Variants in SLC30A4 observed in about 807,000 individuals in gnomAD.
SLC30A4 encodes the protein probable proton-coupled zinc antiporter SLC30A4.
A neutral mutation model predicts 41.7 loss-of-function variants in SLC30A4; 20 were observed. The observed-to-expected ratio is 0.48, with a 90% CI of 0.34 to 0.70. The LOEUF is 0.70. Among genes scored for constraint, SLC30A4 ranks in the 30% least tolerant of loss-of-function variants. SLC30A4 has a pLI of 0.01. For missense variants in SLC30A4, 441 were observed against 529.3 expected (o/e 0.83, Z 1.64); for synonymous variants, 181 against 195.9 (o/e 0.92, Z 0.64).
intron 3 of SLC30A4, chr15:45,502,995 A>G (rs770901587): frequency 1.4e-5 from 2 of 143,850 alleles, no homozygotes; most frequent in East Asian, 4.0e-4. Flanking sequence ...CCGTGTCTCG[A>G]AAAAAAAAAA....
intron 3 of SLC30A4, among the ~76,000 whole-genome samples, chr15:45,507,360 T>TAAA (rs1189795779): frequency 4.4e-5 from 5 of 114,828 alleles, no homozygotes; most frequent in Non-Finnish European, 9.7e-5. Context: ...AAATAAATAA[T>TAAA]AAATTTCAGG....
chr15:45,492,371 A>G (rs1891827610), intron 3 of SLC30A4, among the ~76,000 whole-genome samples: 1 of 152,178 alleles, frequency 6.6e-6, no homozygotes, highest in East Asian at 1.9e-4. Context: ...GATAATCACA[A>G]GAAAGTATTA....
At chr15:45,509,841 T>C (rs1892243321) in intron 3 of SLC30A4, among the ~76,000 whole-genome samples, 1 of 152,136 alleles carries the variant, frequency 6.6e-6, no homozygotes, top group South Asian at 2.1e-4. Flanking sequence ...GGAGGATGGC[T>C]TGAGCACAGG....
At position 45,486,706 on chromosome 15, in the gene SLC30A4, G is replaced by C. The variant is rs139044393; in HGVS notation, c.1040C>G (p.Ala347Gly). The change falls in exon 7 of 8, where the codon GCC becomes GGC. Residue 347 changes from alanine (A) to glycine (G), a missense_variant. Transcript: ENST00000261867. ...SHLNVDYIKEALMKIEDVYSV... is the reference protein window; with the variant it reads ...SHLNVDYIKEGLMKIEDVYSV... The stretch of plus-strand genomic sequence containing the variant: ...ATATACATCTTCTATTTTCATCAAG[G>C]CTTCTTTGATATAGTCTACATTCAA... The C allele has an allele frequency of 1.6e-5, 25 of 1,591,732 alleles. No individual in the cohort carries two copies. The highest frequency in any genetic ancestry group is 2.7e-5 in the African/African-American group (2 of 73,992).
At chr15:45,515,681 T>G (rs1217428541) in intron 2 of SLC30A4, 4 of 151,226 alleles carry the variant, frequency 2.6e-5, no homozygotes, top group Non-Finnish European at 5.9e-5. Context: ...AAATAAATAA[T>G]AAATAATAGA....
chr15:45,489,689 C>G (rs1029083416), intron 4 of SLC30A4, among the ~76,000 whole-genome samples: 11 of 151,226 alleles, frequency 7.3e-5, no homozygotes, highest in Admixed American at 2.0e-4. Context: ...TTAATGGGTA[C>G]AGCACACCAA....
At chr15:45,500,137 GA>G (rs1856636312) in intron 3 of SLC30A4, among the ~76,000 whole-genome samples, 1 of 152,130 alleles carries the variant, frequency 6.6e-6, no homozygotes, top group Admixed American at 6.6e-5. Flanking sequence ...TGGGGGAGAA[GA>G]ACGGTAGGCC....
In SLC30A4 at chr15:45,481,057, G is replaced by A. The variant is rs1891596634; in HGVS notation, c.*4106C>T. Reference sequence around the variant, plus strand: ...AGCTCACGTGTCTGATCTTGACTATGTCTATTCTGGAAAGTCTATGAAAGA... The same window carrying A: ...AGCTCACGTGTCTGATCTTGACTATATCTATTCTGGAAAGTCTATGAAAGA... On this transcript the variant is annotated 3_prime_UTR_variant, in exon 8 of 8. Transcript: ENST00000261867. 6.6e-6 allele frequency: 1 copy of A among 152,192 alleles called. No individual in the cohort carries two copies. Among genetic ancestry groups the A allele is most frequent in the Admixed American group, 6.5e-5 (1 of 15,276 alleles). The allele number at this position is 152,192 out of a possible 1,614,324, so 9.4% of individuals were successfully genotyped here.
intron 3 of SLC30A4, among the ~76,000 whole-genome samples, chr15:45,496,656 C>T (rs945040520): frequency 1.3e-5 from 2 of 151,788 alleles, no homozygotes; most frequent in Admixed American, 6.6e-5. Flanking sequence ...TTTAAGTGAA[C>T]TTGAATGGTC....
Position 45,504,465 on chromosome 15 carries a change from G to C in SLC30A4, c.538+6673C>G, listed in dbSNP as rs571328338. On this transcript the variant is annotated intron_variant, in intron 3 of 7. Transcript: ENST00000261867. ...CGTATTTCTGTTCCATTACATAAGA[G>C]ACTAAAACTGACAAACTCTGTTTTA... 2.0e-5 allele frequency among the ~76,000 whole-genome samples: 3 copies of C among 152,236 alleles called. No homozygotes were observed. In the South Asian group the frequency reaches 6.2e-4, roughly 32 times the overall value.
chr15:45,520,321 G>A (rs1308402735), intron 2 of SLC30A4, among the ~76,000 whole-genome samples: 1 of 151,828 alleles, frequency 6.6e-6, no homozygotes, highest in East Asian at 1.9e-4. Context: ...CCAGGCTGGA[G>A]TGCAGTGGCG....
At chr15:45,488,552 G>A (rs1488538695) in intron 5 of SLC30A4, among the ~76,000 whole-genome samples, 2 of 151,988 alleles carry the variant, frequency 1.3e-5, no homozygotes, top group African/African-American at 4.8e-5. Context: ...CAGCCTGGGC[G>A]AGAAAGTGAG....
At chr15:45,490,526 A>C (rs1192832752) in intron 4 of SLC30A4, among the ~76,000 whole-genome samples, 1 of 152,240 alleles carries the variant, frequency 6.6e-6, no homozygotes, top group Non-Finnish European at 1.5e-5. Context: ...ACTTAAATTC[A>C]TGATTTTGAC....
At chr15:45,517,058 CTG>C (rs1892500732) in intron 2 of SLC30A4, among the ~76,000 whole-genome samples, 1 of 152,096 alleles carries the variant, frequency 6.6e-6, no homozygotes, top group Non-Finnish European at 1.5e-5. Context: ...AGTTGTAACT[CTG>C]TTACCAAATC....
Position 45,484,659 on chromosome 15 carries a change from A to G in SLC30A4, c.*504T>C, listed in dbSNP as rs1472570380. 3 of 152,616 alleles carry G rather than the reference A, an allele frequency of 2.0e-5. No individual in the cohort carries two copies. Among genetic ancestry groups the G allele is most frequent in the East Asian group, 3.9e-4 (2 of 5,194 alleles). The allele number at this position is 152,616 out of a possible 1,614,324, so 9.5% of individuals were successfully genotyped here. On this transcript the variant is annotated 3_prime_UTR_variant, in exon 8 of 8. Transcript: ENST00000261867. ...ACACTTAGGAATACATGCTTATTCC[A>G]CTTTTGGGATAACTACTAGTACTTC...
chr15:45,508,838 G>A (rs1190854159), intron 3 of SLC30A4, among the ~76,000 whole-genome samples: 2 of 152,104 alleles, frequency 1.3e-5, no homozygotes, highest in African/African-American at 4.8e-5. Flanking sequence ...ATTTATTTAT[G>A]AAGAAGCAAA....
chr15:45,514,355 C>G (rs1303477336), intron 2 of SLC30A4, among the ~76,000 whole-genome samples: 1 of 112,596 alleles, frequency 8.9e-6, no homozygotes, highest in African/African-American at 3.4e-5. Context: ...GAGTGGAACT[C>G]TGTCTCAAAA....
At chr15:45,521,676 A>G (rs1056136980) in intron 2 of SLC30A4, among the ~76,000 whole-genome samples, 3 of 152,224 alleles carry the variant, frequency 2.0e-5, no homozygotes, top group Admixed American at 2.0e-4. Context: ...AGACCTTTGT[A>G]AAAAGAGGAA....
intron 2 of SLC30A4, among the ~76,000 whole-genome samples, chr15:45,517,706 T>TG (rs1012552625): frequency 9.9e-5 from 15 of 151,700 alleles, no homozygotes; most frequent in African/African-American, 2.7e-4. Context: ...CCCAGCACTT[T>TG]GGGAGGCCGA....
Sources: allele counts gnomAD v4.1 joint callset (sites outside exome capture counted in the v4.1 genomes callset), GRCh38; gene constraint gnomAD v4.1.1; transcripts MANE v1.5; gene names NCBI Gene and HGNC (gene_info 2026-07-23, HGNC 2026-07-21).